The following UNC5C variants were observed in gnomAD, a reference collection of about 807,000 sequenced individuals.
UNC5C encodes unc-5 netrin receptor C, also known as netrin receptor UNC5C.
Under a neutral mutation model 99.8 loss-of-function variants are expected in UNC5C, and 47 were observed. The ratio of observed to expected loss-of-function variants is 0.47; its 90% CI spans 0.37 to 0.60. UNC5C has a LOEUF of 0.60. Ranked by LOEUF, UNC5C falls within the 20% of genes least tolerant of loss-of-function variation. The pLI, the probability that UNC5C is intolerant of heterozygous loss-of-function variation, is 0.00. For synonymous variants in UNC5C, 487 were observed against 452.2 expected (o/e 1.08, Z -0.98); for missense variants, 1,062 against 1,165.9 (o/e 0.91, Z 1.30).
At chr4:95,404,541 G>A (rs1405978997) in intron 1 of UNC5C, among the ~76,000 whole-genome samples, 3 of 152,066 alleles carry the variant, frequency 2.0e-5, no homozygotes, top group Non-Finnish European at 4.4e-5. Flanking sequence ...GGCCACATAC[G>A]TTCTCTGGGA....
At chr4:95,410,065 G>T (rs1235586568) in intron 1 of UNC5C, among the ~76,000 whole-genome samples, 1 of 152,124 alleles carries the variant, frequency 6.6e-6, no homozygotes, top group Non-Finnish European at 1.5e-5. Context: ...AATAGTGACT[G>T]CTAGTGATTT....
chr4:95,529,186 A>C (rs1560495437), intron 1 of UNC5C, among the ~76,000 whole-genome samples: 1 of 151,460 alleles, frequency 6.6e-6, no homozygotes, highest in East Asian at 1.9e-4. Context: ...TAATACTTCC[A>C]GAATTGGATT....
intron 1 of UNC5C, among the ~76,000 whole-genome samples, chr4:95,462,169 C>T (rs1747622010): frequency 6.6e-6 from 1 of 152,068 alleles, no homozygotes; most frequent in East Asian, 1.9e-4. Flanking sequence ...CCTCAATGCT[C>T]ACTTTCCCCC....
chr4:95,336,190 T>C (rs1186904019), intron 1 of UNC5C, among the ~76,000 whole-genome samples: 1 of 151,942 alleles, frequency 6.6e-6, no homozygotes, highest in Non-Finnish European at 1.5e-5. Context: ...AAAACCACTT[T>C]AGATAATTTG....
chr4:95,448,853 T>C (rs905848647), intron 1 of UNC5C, among the ~76,000 whole-genome samples: 2 of 152,198 alleles, frequency 1.3e-5, no homozygotes, highest in African/African-American at 4.8e-5. Context: ...TAAAATTGTT[T>C]TCATGTGTTT....
intron 1 of UNC5C, among the ~76,000 whole-genome samples, chr4:95,425,511 A>T (rs1453959409): frequency 6.6e-6 from 1 of 152,110 alleles, no homozygotes; most frequent in Non-Finnish European, 1.5e-5. Context: ...TTCAGTAGAG[A>T]CAGGGTTTCA....
Position 95,335,593 on chromosome 4 carries a change from A to AAGG in UNC5C, c.160_162dup (p.Pro54dup). The AAGG allele has an allele frequency of 6.2e-7, 1 of 1,611,044 alleles. No individual in the cohort carries two copies. The highest frequency in any genetic ancestry group is 1.7e-4 in the Middle Eastern group (1 of 6,024). On this transcript the variant is annotated inframe_insertion, in exon 2 of 16. Transcript: ENST00000453304. ...TGTGGCAGAGGCTCAGGTGGATCAG[A>AAGG]AGGAAAAGTTTCTGGGAGTTCATGA...
intron 1 of UNC5C, among the ~76,000 whole-genome samples, chr4:95,426,983 A>T (rs1049190520): frequency 6.6e-6 from 1 of 152,222 alleles, no homozygotes; most frequent in African/African-American, 2.4e-5. Context: ...CAGATTTTTA[A>T]TGTAGACAAA....
At chr4:95,201,839 C>T (rs908369790) in intron 12 of UNC5C, among the ~76,000 whole-genome samples, 2 of 152,136 alleles carry the variant, frequency 1.3e-5, no homozygotes, top group African/African-American at 2.4e-5. Context: ...CTCCTGACCT[C>T]GTGATCCACC....
intron 1 of UNC5C, among the ~76,000 whole-genome samples, chr4:95,430,429 A>G (rs918810021): frequency 6.6e-6 from 1 of 152,140 alleles, no homozygotes. Context: ...AATGTACCCA[A>G]AATCAATGAT....
chr4:95,437,254 A>T (rs1041168078), intron 1 of UNC5C, among the ~76,000 whole-genome samples: 1 of 151,804 alleles, frequency 6.6e-6, no homozygotes, highest in African/African-American at 2.4e-5. Context: ...TATTTAAAAT[A>T]TTACAAAAAA....
chr4:95,376,402 C>T (rs927675115), intron 1 of UNC5C, among the ~76,000 whole-genome samples: 3 of 151,926 alleles, frequency 2.0e-5, no homozygotes, highest in Non-Finnish European at 4.4e-5. Context: ...ACATTAAAAT[C>T]GTTTTCATAT....
At chr4:95,247,507 A>C (rs1417247656) in intron 5 of UNC5C, among the ~76,000 whole-genome samples, 1 of 152,178 alleles carries the variant, frequency 6.6e-6, no homozygotes, top group Non-Finnish European at 1.5e-5. Context: ...CTGGGATTTT[A>C]ATGAGAAATG....
intron 1 of UNC5C, among the ~76,000 whole-genome samples, chr4:95,529,214 T>C (rs1013426359): frequency 7.3e-5 from 11 of 150,810 alleles, no homozygotes; most frequent in African/African-American, 2.2e-4. Context: ...GCTGTACTGA[T>C]TTTTTTCCTC....
intron 2 of UNC5C, among the ~76,000 whole-genome samples, chr4:95,317,685 T>C (rs996362982): frequency 1.3e-5 from 2 of 152,030 alleles, no homozygotes; most frequent in Non-Finnish European, 2.9e-5. Flanking sequence ...TGGCCCCGAG[T>C]AGAAGGCAGC....
intron 1 of UNC5C, among the ~76,000 whole-genome samples, chr4:95,346,731 G>T (rs1586164): frequency 0.62 from 93,579 of 151,624 alleles, 29,218 homozygotes; most frequent in East Asian, 0.85. Flanking sequence ...ATGATAGAAA[G>T]ACTAAAACAA....
chr4:95,277,035 C>G (rs79399430), intron 4 of UNC5C, among the ~76,000 whole-genome samples: 1 of 151,704 alleles, frequency 6.6e-6, no homozygotes, highest in Non-Finnish European at 1.5e-5. Context: ...TGTCAGGGGA[C>G]CAGCTAACTA....
chr4:95,368,971 G>A (rs756818078), intron 1 of UNC5C, among the ~76,000 whole-genome samples: 7 of 151,894 alleles, frequency 4.6e-5, no homozygotes, highest in African/African-American at 9.7e-5. Flanking sequence ...AGGCTGGAGT[G>A]CAGTGGCACA....
intron 1 of UNC5C, among the ~76,000 whole-genome samples, chr4:95,394,199 C>A (rs999217063): frequency 2.0e-5 from 3 of 151,752 alleles, no homozygotes; most frequent in African/African-American, 7.3e-5. Context: ...ACTTCTGTAC[C>A]CAGCTGCTTT....
Sources: allele counts gnomAD v4.1 joint callset (sites outside exome capture counted in the v4.1 genomes callset), GRCh38; gene constraint gnomAD v4.1.1; transcripts MANE v1.5; gene names NCBI Gene and HGNC (gene_info 2026-07-23, HGNC 2026-07-21).